Variants in DAGLB observed in about 807,000 individuals in gnomAD.
The protein encoded by DAGLB is diacylglycerol lipase-beta.
DAGLB carries 66 observed loss-of-function variants against 72.1 expected under a neutral mutation model. The observed-to-expected ratio is 0.92, with a 90% CI of 0.75 to 1.12. The LOEUF (loss-of-function observed/expected upper bound fraction) is 1.12. Among genes scored for constraint, DAGLB ranks in the 50% most tolerant of loss-of-function variants. The pLI, the probability that DAGLB is intolerant of heterozygous loss-of-function variation, is 0.00. For synonymous variants in DAGLB, 414 were observed against 359.5 expected, an observed-to-expected ratio of 1.15 and a Z score of -1.71; for missense variants, 1,065 against 884.9, an observed-to-expected ratio of 1.20 and a Z score of -2.58.
chr7:6,446,035 G>C lies in DAGLB; in HGVS notation c.165C>G (p.Leu55=), dbSNP rs906879848. The change falls in exon 2 of 15, where the codon CTC becomes CTG. Residue 55 remains leucine, a synonymous_variant. Coordinates refer to ENST00000297056, the MANE Select transcript of DAGLB (RefSeq NM_139179.4). ...GKLDCAGGAL[L]SSYLIVLMIL... is the part of the protein sequence containing the mutation. ...TCATGAGGACGATCAAGTAACTGCT[G>C]AGCAAGGCTCCACCAGCACAGTCCA... 2.5e-6 allele frequency: 4 copies of C among 1,613,580 alleles called. No homozygotes were observed. Among genetic ancestry groups the C allele is most frequent in the African/African-American group, 1.3e-5 (1 of 74,872 alleles).
In DAGLB at chr7:6,432,956, T is replaced by C. The variant is rs768031457; in HGVS notation, c.682A>G (p.Thr228Ala). The change falls in exon 5 of 15, where the codon ACA (threonine) becomes GCA (alanine). Residue 228 changes from threonine to alanine, a missense_variant. Coordinates refer to ENST00000297056, the MANE Select transcript of DAGLB (RefSeq NM_139179.4). ...AELFSTYFSD[T>A]DLVPSDIAAG... The stretch of plus-strand genomic sequence containing the variant: ...GCAATGTCGCTGGGCACCAGATCTG[T>C]GTCCTGGGTGGGAAACCACAATGGC... 2.6e-5 allele frequency: 42 copies of C among 1,612,960 alleles called. No homozygotes were observed. The highest frequency in any genetic ancestry group is 3.5e-5 in the Non-Finnish European group (41 of 1,179,696).
At chr7:6,421,639 C>T (rs1422369313) in intron 9 of DAGLB, 88 bp downstream of exon 9, 5 of 1,355,584 alleles carry the variant, frequency 3.7e-6, no homozygotes, top group South Asian at 1.4e-5. Flanking sequence ...GCGCAGGCAG[C>T]GCGGGCTCTG....
intron 11 of DAGLB, among the ~76,000 whole-genome samples, chr7:6,413,272 C>G (rs1783794343): frequency 6.6e-6 from 1 of 152,138 alleles, no homozygotes; most frequent in Admixed American, 6.5e-5. Flanking sequence ...AACTGGACAC[C>G]AAGGCGGACC....
rs375537082 is a variant in DAGLB, at chr7:6,409,853, C to T, written c.2003G>A (p.Ser668Asn). Residue 668 changes from serine (S) to asparagine (N), a missense_variant, in exon 15 of 15, where the codon AGT (serine) becomes AAT (asparagine). By Grantham distance (46) the Ser-to-Asn change is conservative. Transcript: ENST00000297056. ...CVSCPAQGVSSVDVA is the reference protein window; with the variant it reads ...CVSCPAQGVSNVDVA ...TGGCCCTGGTCAGGCCACGTCCACACTGGAGACCCCTTGTGCTGGACAGGA... is the reference window on the plus strand; with the variant it reads ...TGGCCCTGGTCAGGCCACGTCCACATTGGAGACCCCTTGTGCTGGACAGGA... 3 of 1,613,970 alleles carry T rather than the reference C, an allele frequency of 1.9e-6. No individual in the cohort carries two copies. The highest frequency in any genetic ancestry group is 4.5e-5 in the East Asian group (2 of 44,880).
At chr7:6,423,931 C>A (rs1392391394) in intron 8 of DAGLB, among the ~76,000 whole-genome samples, 1 of 152,106 alleles carries the variant, frequency 6.6e-6, no homozygotes, top group East Asian at 1.9e-4. Flanking sequence ...GGGCGCCCCC[C>A]GGGAGGAGCA....
At chr7:6,417,272 A>AT (rs1326610215) in intron 9 of DAGLB, 1 of 180,834 alleles carries the variant, frequency 5.5e-6, no homozygotes, top group African/African-American at 2.4e-5. Context: ...TAAAAAAAAA[A>AT]AAATTAACGG....
chr7:6,446,205 A>C, intron 1 of DAGLB, 101 bp from the exon 2 acceptor site: 16 of 1,282,538 alleles, frequency 1.2e-5, no homozygotes, highest in South Asian at 1.8e-5. Context: ...GCGGTGGCTC[A>C]CACCTGTAAT....
chr7:6,443,132 G>A (rs1278016949), intron 2 of DAGLB, among the ~76,000 whole-genome samples: 1 of 149,296 alleles, frequency 6.7e-6, no homozygotes, highest in Non-Finnish European at 1.5e-5. Context: ...ACAGTGAGCC[G>A]AGATAGAGAT....
rs977502634 is a variant in DAGLB at position 6,409,437 on chromosome 7, C to CCTGTAAA, written c.*393_*399dup. 1.5e-5 allele frequency: 3 copies of CCTGTAAA among 198,862 alleles called. No homozygotes were observed. Among genetic ancestry groups the CCTGTAAA allele is most frequent in the African/African-American group, 7.0e-5 (3 of 42,584 alleles). 12.3% of individuals were successfully genotyped at this position (198,862 alleles called of 1,614,324 possible). A position where few individuals can be genotyped will look rare whatever the true frequency, so the allele number is the denominator to read the frequency against. On this transcript the variant is annotated 3_prime_UTR_variant, in exon 15 of 15. Coordinates refer to ENST00000297056, the MANE Select transcript of DAGLB (RefSeq NM_139179.4). ...AGCCCAGTTTGAAAAACAAACCACG[C>CCTGTAAA]CTGTAAACTGAGTTGGATGAAAAGA...
chr7:6,413,801 T>G (rs926931248), intron 11 of DAGLB, among the ~76,000 whole-genome samples: 14 of 152,176 alleles, frequency 9.2e-5, no homozygotes, highest in African/African-American at 2.7e-4. Context: ...CCCGCACAGC[T>G]GGGAGAAGGA....
Position 6,432,959 on chromosome 7 carries a change from C to T in DAGLB, c.679G>A (p.Asp227Asn). ...ATGTCGCTGGGCACCAGATCTGTGT[C>T]CTGGGTGGGAAACCACAATGGCCTG... ...TAELFSTYFSDTDLVPSDIAA... is the reference protein window; with the variant it reads ...TAELFSTYFSNTDLVPSDIAA... The change falls in exon 5 of 15, where the codon GAC becomes AAC. Residue 227 changes from aspartate (D) to asparagine (N), a missense_variant and splice_region_variant. Transcript: ENST00000297056. The T allele has an allele frequency of 6.2e-7, 1 of 1,612,738 alleles. No homozygotes were observed. Among genetic ancestry groups the T allele is most frequent in the Non-Finnish European group, 8.5e-7 (1 of 1,179,540 alleles).
intron 3 of DAGLB, 75 bp downstream of exon 3, chr7:6,436,287 T>C (rs1784654302): frequency 1.3e-6 from 2 of 1,519,856 alleles, no homozygotes; most frequent in African/African-American, 2.8e-5. Flanking sequence ...CGCTGGACTC[T>C]CTGTCATGTT....
At chr7:6,423,812 C>T (rs1784213891) in intron 8 of DAGLB, among the ~76,000 whole-genome samples, 1 of 152,168 alleles carries the variant, frequency 6.6e-6, no homozygotes, top group Non-Finnish European at 1.5e-5. Context: ...TGGTGTCGAT[C>T]TCTTGACCTT....
intron 5 of DAGLB, among the ~76,000 whole-genome samples, chr7:6,430,924 C>G (rs1045555624): frequency 2.8e-4 from 42 of 152,226 alleles, no homozygotes; most frequent in African/African-American, 9.9e-4. Flanking sequence ...TACAGGCACC[C>G]GCCACCACAC....
chr7:6,420,705 C>A (rs1403725775), intron 9 of DAGLB, among the ~76,000 whole-genome samples: 1 of 142,134 alleles, frequency 7.0e-6, no homozygotes, highest in Non-Finnish European at 1.5e-5. Flanking sequence ...GTGAAACTGA[C>A]CAATGTGTGT....
chr7:6,410,886 T>G (rs1434311063), intron 13 of DAGLB, among the ~76,000 whole-genome samples: 268 of 143,418 alleles, frequency 1.9e-3, no homozygotes, highest in African/African-American at 6.3e-3. Context: ...TTGTATTTTT[T>G]TTTTTTTTTT....
intron 6 of DAGLB, among the ~76,000 whole-genome samples, chr7:6,429,845 C>A (rs1477674712): frequency 6.6e-6 from 1 of 151,972 alleles, no homozygotes; most frequent in African/African-American, 2.4e-5. Context: ...GAGATCGAGA[C>A]CATCCTGGCT....
intron 9 of DAGLB, 73 bp from the exon 10 acceptor site, chr7:6,416,994 A>G (rs1783939874): frequency 6.5e-7 from 1 of 1,527,274 alleles, no homozygotes. Flanking sequence ...CAAAGATGGG[A>G]TGACGCTGTG....
At chr7:6,428,243 G>T (rs1446164978) in intron 6 of DAGLB, among the ~76,000 whole-genome samples, 3 of 148,736 alleles carry the variant, frequency 2.0e-5, no homozygotes, top group African/African-American at 7.4e-5. Flanking sequence ...CTACTCGGGA[G>T]GCTGAGGCAG....
Sources: allele counts gnomAD v4.1 joint callset (sites outside exome capture counted in the v4.1 genomes callset), GRCh38; gene constraint gnomAD v4.1.1; transcripts MANE v1.5; gene names NCBI Gene and HGNC (gene_info 2026-07-23, HGNC 2026-07-21).